Variants in GREB1 observed in about 807,000 individuals in gnomAD.
GREB1 encodes growth regulating estrogen receptor binding 1.
Under a neutral mutation model 200.7 loss-of-function variants are expected in GREB1, and 106 were observed. That is an observed-to-expected ratio of 0.53 (90% CI 0.45 to 0.62). GREB1 has a LOEUF of 0.62. Ranked by LOEUF, GREB1 falls within the 20% of genes least tolerant of loss-of-function variation. The pLI, the probability that GREB1 is intolerant of heterozygous loss-of-function variation, is 0.00. For missense variants in GREB1, 2,243 were observed against 2,556.8 expected, an observed-to-expected ratio of 0.88 and a Z score of 2.65; for synonymous variants, 1,132 against 1,092.4, an observed-to-expected ratio of 1.04 and a Z score of -0.72.
chr2:11,625,351 A>G, intron 24 of GREB1, 39 bp downstream of exon 24: 9 of 1,595,112 alleles, frequency 5.6e-6, no homozygotes, highest in Non-Finnish European at 6.9e-6. Context: ...TCCAGAGTGC[A>G]TGGGCACAGC....
chr2:11,528,021 A>G (rs1457556979), intron 1 of GREB1, among the ~76,000 whole-genome samples: 1 of 152,202 alleles, frequency 6.6e-6, no homozygotes, highest in African/African-American at 2.4e-5. Context: ...TAAACACACA[A>G]TATCTCAGAA....
In GREB1 at chr2:11,640,225, G is replaced by A; in HGVS notation, c.5687-66G>A. 1 of 1,499,274 alleles carries A rather than the reference G, an allele frequency of 6.7e-7. No individual in the cohort carries two copies. The highest frequency in any genetic ancestry group is 9.0e-7 in the Non-Finnish European group (1 of 1,108,878). 92.9% of individuals were successfully genotyped at this position (1,499,274 alleles called of 1,614,324 possible). A position where few individuals can be genotyped will look rare whatever the true frequency, so the allele number is the denominator to read the frequency against. On this transcript the variant is annotated intron_variant, in intron 32 of 32. Transcript: ENST00000381486. This position sits in a 1 kb window ranked among gnomAD's most constrained non-coding sequence, Gnocchi z 4.6. ...GTCTTGTCATTGCAAGTAGAATCCG[G>A]GCAGCCGCTTTCCTCTGGATAAACT...
intron 1 of GREB1, among the ~76,000 whole-genome samples, chr2:11,491,218 A>C (rs1672768478): frequency 6.6e-6 from 1 of 152,256 alleles, no homozygotes; most frequent in South Asian, 2.1e-4. Flanking sequence ...GGATCAGTAC[A>C]GCACTGTCTT....
intron 2 of GREB1, among the ~76,000 whole-genome samples, chr2:11,560,988 G>A (rs1286490271): frequency 6.6e-6 from 1 of 152,142 alleles, no homozygotes; most frequent in African/African-American, 2.4e-5. Context: ...GTCATAATTA[G>A]CTTCCTTGTG....
intron 24 of GREB1, 65 bp downstream of exon 24, chr2:11,625,377 G>C (rs767355826): frequency 4.0e-6 from 6 of 1,510,956 alleles, no homozygotes; most frequent in Non-Finnish European, 5.5e-6. Flanking sequence ...AAAGGGATGA[G>C]CTGGATTTTG....
chr2:11,524,005 T>TCACA (rs1259312934), intron 1 of GREB1, among the ~76,000 whole-genome samples: 1 of 152,154 alleles, frequency 6.6e-6, no homozygotes, highest in Non-Finnish European at 1.5e-5. Context: ...AGGAAAGGGA[T>TCACA]CACAGTGTAT....
intron 1 of GREB1, among the ~76,000 whole-genome samples, chr2:11,496,496 G>C (rs1004730536): frequency 9.9e-5 from 15 of 152,062 alleles, no homozygotes; most frequent in Middle Eastern, 3.2e-3. Flanking sequence ...AAGCAGCAGC[G>C]ACTTATCTTC....
At chr2:11,487,086 T>C (rs1672672720) in intron 1 of GREB1, among the ~76,000 whole-genome samples, 1 of 152,232 alleles carries the variant, frequency 6.6e-6, no homozygotes, top group Non-Finnish European at 1.5e-5. Context: ...TTTGACATTA[T>C]TATTTTAAAT....
At chr2:11,572,353 G>A (rs1409034851) in intron 4 of GREB1, among the ~76,000 whole-genome samples, 1 of 152,194 alleles carries the variant, frequency 6.6e-6, no homozygotes, top group East Asian at 1.9e-4. Context: ...GCATCCCTGA[G>A]GTTTTGTGGG....
At chr2:11,636,234 A>G (rs542303916) in intron 30 of GREB1, among the ~76,000 whole-genome samples, 1 of 152,164 alleles carries the variant, frequency 6.6e-6, no homozygotes, top group Non-Finnish European at 1.5e-5. Context: ...CATCATTGAG[A>G]TCTTACGATT....
At chr2:11,599,373 T>A (rs926004233) in intron 15 of GREB1, among the ~76,000 whole-genome samples, 1 of 148,990 alleles carries the variant, frequency 6.7e-6, no homozygotes, top group African/African-American at 2.5e-5. Context: ...GGAGTCTCAC[T>A]CTGTCGCCCA....
At chr2:11,627,236 TC>T (rs1457275473) in intron 25 of GREB1, 132 bp downstream of exon 25, 3 of 737,484 alleles carry the variant, frequency 4.1e-6, no homozygotes, top group Non-Finnish European at 6.4e-6. Context: ...TCTGCTTGCA[TC>T]CTCTGTTCCC....
rs1162543411 is a variant in GREB1, at chr2:11,556,577, A to C, written c.-38A>C. 6.4e-7 allele frequency: 1 copy of C among 1,558,448 alleles called. No homozygotes were observed. The highest frequency in any genetic ancestry group is 8.7e-7 in the Non-Finnish European group (1 of 1,143,060). On this transcript the variant is annotated 5_prime_UTR_variant, in exon 2 of 33. Coordinates refer to ENST00000381486, the MANE Select transcript of GREB1 (RefSeq NM_014668.4). The stretch of plus-strand genomic sequence containing the variant: ...GAGCCAGGCTTTTGCACCGAATCTG[A>C]GATGCCATTTTAAACAGAAGACTCC...
chr2:11,487,214 T>C (rs1232822926), intron 1 of GREB1, among the ~76,000 whole-genome samples: 2 of 152,194 alleles, frequency 1.3e-5, no homozygotes, highest in African/African-American at 4.8e-5. Context: ...ACGTCATTGA[T>C]TGATGGTAGT....
intron 32 of GREB1, among the ~76,000 whole-genome samples, chr2:11,639,408 CA>C (rs1685643727): frequency 6.6e-6 from 1 of 152,220 alleles, no homozygotes; most frequent in Non-Finnish European, 1.5e-5. Context: ...TTTTCCAACC[CA>C]AATCCTTCAC....
chr2:11,518,253 A>G (rs1673577259), intron 1 of GREB1, among the ~76,000 whole-genome samples: 1 of 152,216 alleles, frequency 6.6e-6, no homozygotes, highest in South Asian at 2.1e-4. Flanking sequence ...GGTGGAATTT[A>G]TGACTTTGCA....
intron 1 of GREB1, among the ~76,000 whole-genome samples, chr2:11,515,563 G>C (rs1673469655): frequency 6.6e-6 from 1 of 152,080 alleles, no homozygotes; most frequent in African/African-American, 2.4e-5. Flanking sequence ...TGGAAGCCCT[G>C]TGAGATGTGA....
At chr2:11,571,514 C>T (rs562714213) in intron 4 of GREB1, among the ~76,000 whole-genome samples, 43 of 152,250 alleles carry the variant, frequency 2.8e-4, no homozygotes, top group African/African-American at 9.6e-4. Context: ...TACCTGACTG[C>T]GGTTTTGAGG....
intron 31 of GREB1, 46 bp from the exon 32 acceptor site, chr2:11,638,625 C>G: frequency 6.3e-7 from 1 of 1,589,452 alleles, no homozygotes; most frequent in Non-Finnish European, 8.6e-7. Context: ...TGTTACTGAG[C>G]ATTTCATAGA....
Sources: allele counts gnomAD v4.1 joint callset (sites outside exome capture counted in the v4.1 genomes callset), GRCh38; gene constraint gnomAD v4.1.1; non-coding constraint Gnocchi (gnomAD v3.1); transcripts MANE v1.5; gene names NCBI Gene and HGNC (gene_info 2026-07-23, HGNC 2026-07-21).